Variants in GNAQ observed in about 807,000 individuals in gnomAD.
GNAQ encodes the protein G protein subunit alpha q.
In GNAQ, 8 loss-of-function variants were observed where a neutral mutation model predicts 43.9. That is an observed-to-expected ratio of 0.18 (90% CI 0.11 to 0.33). GNAQ has a LOEUF of 0.33. GNAQ is among the 10% of genes least tolerant of loss of function. The probability of loss-of-function intolerance (pLI) is 1.00; values close to 1 mark genes in which losing one functional copy is unlikely to be tolerated. For missense variants in GNAQ, 158 were observed against 450.8 expected, an observed-to-expected ratio of 0.35 and a Z score of 5.88; for synonymous variants, 155 against 170.7, an observed-to-expected ratio of 0.91 and a Z score of 0.71.
chr9:77,801,086 T>C (rs1363234009), intron 3 of GNAQ, among the ~76,000 whole-genome samples: 1 of 152,194 alleles, frequency 6.6e-6, no homozygotes, highest in African/African-American at 2.4e-5. Flanking sequence ...TTTCTGGAGA[T>C]GAACCTAACA....
chr9:77,721,633 G>T (rs1258550512), intron 6 of GNAQ, 120 bp from the exon 7 acceptor site: 4 of 673,756 alleles, frequency 5.9e-6, no homozygotes, highest in Non-Finnish European at 1.0e-5. Context: ...CTGCAGATTT[G>T]ATCTGTTATA....
At chr9:77,931,622 A>G (rs1258532067) in intron 1 of GNAQ, among the ~76,000 whole-genome samples, 3 of 152,036 alleles carry the variant, frequency 2.0e-5, no homozygotes, top group Admixed American at 1.3e-4. Context: ...TCTCAAGAAC[A>G]GTAGTGAAAA....
chr9:77,809,475 G>A (rs1826880071), intron 3 of GNAQ, among the ~76,000 whole-genome samples: 1 of 151,952 alleles, frequency 6.6e-6, no homozygotes, highest in Non-Finnish European at 1.5e-5. Context: ...TGAAATCTAG[G>A]GGAAAAAAAG....
intron 2 of GNAQ, among the ~76,000 whole-genome samples, chr9:77,827,042 C>T (rs1025354172): frequency 2.0e-5 from 3 of 152,204 alleles, no homozygotes; most frequent in African/African-American, 7.2e-5. Flanking sequence ...ATATGGGTTA[C>T]ATGTAATAAT....
At chr9:77,953,483 C>T (rs1823006927) in intron 1 of GNAQ, among the ~76,000 whole-genome samples, 3 of 152,060 alleles carry the variant, frequency 2.0e-5, no homozygotes, top group African/African-American at 7.2e-5. Flanking sequence ...TGTGTTTTCC[C>T]CTTGGACCTT....
intron 5 of GNAQ, among the ~76,000 whole-genome samples, chr9:77,786,733 G>A (rs1470229278): frequency 6.6e-6 from 1 of 152,162 alleles, no homozygotes; most frequent in Non-Finnish European, 1.5e-5. Flanking sequence ...ATTGCTGAGA[G>A]GGTAAATTTG....
chr9:77,852,831 A>G (rs1030940819), intron 2 of GNAQ, among the ~76,000 whole-genome samples: 2 of 152,202 alleles, frequency 1.3e-5, no homozygotes, highest in African/African-American at 4.8e-5. Flanking sequence ...ATTATGAAGG[A>G]CATTACTCCT....
At chr9:77,888,168 A>G (rs891576336) in intron 2 of GNAQ, among the ~76,000 whole-genome samples, 24 of 152,218 alleles carry the variant, frequency 1.6e-4, no homozygotes, top group African/African-American at 5.8e-4. Flanking sequence ...TGGGGTCCCA[A>G]TTTTAATTTC....
At chr9:77,842,399 T>C (rs1467404543) in intron 2 of GNAQ, among the ~76,000 whole-genome samples, 2 of 152,152 alleles carry the variant, frequency 1.3e-5, no homozygotes, top group East Asian at 1.9e-4. Flanking sequence ...ACAACATTCC[T>C]TGGCTGAGAA....
At chr9:77,891,265 C>G (rs11145608) in intron 2 of GNAQ, among the ~76,000 whole-genome samples, 2 of 152,120 alleles carry the variant, frequency 1.3e-5, no homozygotes, top group African/African-American at 4.8e-5. Context: ...CCCTATCACA[C>G]GTTCTCCTCT....
intron 2 of GNAQ, among the ~76,000 whole-genome samples, chr9:77,863,719 G>A (rs545813984): frequency 5.5e-4 from 84 of 152,236 alleles, no homozygotes; most frequent in Admixed American, 3.9e-3. Context: ...ACAGTTCCAC[G>A]TGGCTGGGGA....
chr9:77,845,128 A>G (rs949931860), intron 2 of GNAQ, among the ~76,000 whole-genome samples: 1 of 152,186 alleles, frequency 6.6e-6, no homozygotes, highest in African/African-American at 2.4e-5. Flanking sequence ...CGTTGGAAAT[A>G]TAACTCAAAG....
chr9:77,854,115 C>T (rs1827715633), intron 2 of GNAQ, among the ~76,000 whole-genome samples: 1 of 152,124 alleles, frequency 6.6e-6, no homozygotes, highest in Admixed American at 6.6e-5. Flanking sequence ...TTTTATAACT[C>T]TAACATGAAG....
intron 2 of GNAQ, among the ~76,000 whole-genome samples, chr9:77,865,719 A>G (rs187545279): frequency 2.6e-5 from 4 of 152,126 alleles, no homozygotes; most frequent in African/African-American, 9.7e-5. Flanking sequence ...TCTGGATCTC[A>G]GCTTTCTTTC....
At chr9:78,014,187 G>A (rs1388821027) in intron 1 of GNAQ, among the ~76,000 whole-genome samples, 1 of 152,050 alleles carries the variant, frequency 6.6e-6, no homozygotes, top group African/African-American at 2.4e-5. Flanking sequence ...GGAGGAATAG[G>A]GGTAGCTGCA....
chr9:77,775,559 G>A (rs577950698), intron 5 of GNAQ, among the ~76,000 whole-genome samples: 11 of 151,956 alleles, frequency 7.2e-5, no homozygotes, highest in African/African-American at 2.4e-4. Flanking sequence ...ATAGGCGCCC[G>A]CCACCACGCC....
intron 5 of GNAQ, among the ~76,000 whole-genome samples, chr9:77,743,118 C>T (rs1022869255): frequency 2.0e-5 from 3 of 151,970 alleles, no homozygotes; most frequent in South Asian, 2.1e-4. Context: ...ATTAGCCGGG[C>T]GTAGGGGCAT....
intron 1 of GNAQ, among the ~76,000 whole-genome samples, chr9:77,924,407 A>C (rs1471554454): frequency 6.6e-6 from 1 of 152,222 alleles, no homozygotes; most frequent in Non-Finnish European, 1.5e-5. Flanking sequence ...CCCAGAGCCA[A>C]AGGTTTGCTC....
At chr9:77,784,078 A>C (rs913196238) in intron 5 of GNAQ, among the ~76,000 whole-genome samples, 3 of 152,094 alleles carry the variant, frequency 2.0e-5, no homozygotes, top group Admixed American at 2.0e-4. Flanking sequence ...GGGGAAAACA[A>C]ATGCACATTT....
Sources: allele counts gnomAD v4.1 joint callset (sites outside exome capture counted in the v4.1 genomes callset), GRCh38; gene constraint gnomAD v4.1.1; transcripts MANE v1.5; gene names NCBI Gene and HGNC (gene_info 2026-07-23, HGNC 2026-07-21).